The following STX8 variants were observed in gnomAD, a reference collection of about 807,000 sequenced individuals.
STX8 encodes the protein syntaxin-8.
A neutral mutation model predicts 37.5 loss-of-function variants in STX8; 23 were observed. That is an observed-to-expected ratio of 0.61 (90% confidence interval 0.44 to 0.87). STX8 has a LOEUF of 0.87. Ranked by LOEUF, STX8 falls within the 40% of genes least tolerant of loss-of-function variation. The probability of loss-of-function intolerance (pLI) is 0.00; values close to 1 mark genes in which losing one functional copy is unlikely to be tolerated. For synonymous variants in STX8, 115 were observed against 99.1 expected (o/e 1.16, Z -0.95); for missense variants, 313 against 284.7 (o/e 1.10, Z -0.71).
At chr17:9,417,218 C>T (rs1913233184) in intron 6 of STX8, among the ~76,000 whole-genome samples, 1 of 152,184 alleles carries the variant, frequency 6.6e-6, no homozygotes, top group Non-Finnish European at 1.5e-5. Context: ...TGCAATAACG[C>T]TGTCTCAGTG....
chr17:9,525,324 C>T (rs1389207631), intron 4 of STX8, among the ~76,000 whole-genome samples: 6 of 151,784 alleles, frequency 4.0e-5, no homozygotes, highest in Non-Finnish European at 2.9e-5. Flanking sequence ...CCCCACTGCC[C>T]ACATTGATTT....
chr17:9,495,630 A>G (rs1904363245), intron 5 of STX8, among the ~76,000 whole-genome samples: 1 of 152,264 alleles, frequency 6.6e-6, no homozygotes, highest in Non-Finnish European at 1.5e-5. Flanking sequence ...CATGAGAAAG[A>G]GAACTAAAAG....
chr17:9,546,374 C>G (rs1173960863), intron 3 of STX8, among the ~76,000 whole-genome samples: 1 of 132,494 alleles, frequency 7.5e-6, no homozygotes, highest in Non-Finnish European at 1.6e-5. Context: ...CACAACAATT[C>G]ATAAGTGATG....
At chr17:9,303,646 G>C (rs1005663000) in intron 7 of STX8, among the ~76,000 whole-genome samples, 1 of 152,062 alleles carries the variant, frequency 6.6e-6, no homozygotes, top group Non-Finnish European at 1.5e-5. Flanking sequence ...TAAATTACTA[G>C]GGCTTAAAAT....
chr17:9,505,494 G>T (rs1377257549), intron 4 of STX8, among the ~76,000 whole-genome samples: 4 of 152,140 alleles, frequency 2.6e-5, no homozygotes, highest in Admixed American at 1.3e-4. Flanking sequence ...AAAACAGAAG[G>T]CCGAACAGCG....
chr17:9,498,784 G>A (rs550307743), intron 5 of STX8, among the ~76,000 whole-genome samples: 19 of 152,296 alleles, frequency 1.2e-4, no homozygotes, highest in African/African-American at 4.3e-4. Context: ...AGCTGATGAA[G>A]AAACCCCATC....
chr17:9,481,150 T>C (rs1293742022), intron 6 of STX8, among the ~76,000 whole-genome samples: 3 of 152,162 alleles, frequency 2.0e-5, no homozygotes, highest in African/African-American at 7.2e-5. Context: ...CCCAAAGTGC[T>C]GGGATTATAG....
chr17:9,344,467 G>C (rs372368704), intron 7 of STX8, among the ~76,000 whole-genome samples: 1 of 151,948 alleles, frequency 6.6e-6, no homozygotes, highest in Non-Finnish European at 1.5e-5. Flanking sequence ...CGCCATGTTG[G>C]TCAGGCTGGT....
chr17:9,448,085 G>A (rs1233996533), intron 6 of STX8, among the ~76,000 whole-genome samples: 5 of 149,604 alleles, frequency 3.3e-5, no homozygotes, highest in African/African-American at 4.9e-5. Context: ...TGAGACAGGA[G>A]AACTGTTTGA....
chr17:9,475,938 C>T (rs1483883147), intron 6 of STX8, among the ~76,000 whole-genome samples: 3 of 152,150 alleles, frequency 2.0e-5, no homozygotes, highest in Non-Finnish European at 2.9e-5. Context: ...CCCAGCACTT[C>T]GGGAGGTCAA....
chr17:9,286,749 G>A (rs978326834), intron 7 of STX8, among the ~76,000 whole-genome samples: 9 of 151,898 alleles, frequency 5.9e-5, no homozygotes, highest in Non-Finnish European at 1.3e-4. Flanking sequence ...GGTGTGTGGT[G>A]TGTATTCCTG....
chr17:9,493,325 CT>C (rs1319717231), intron 5 of STX8, among the ~76,000 whole-genome samples: 2 of 152,118 alleles, frequency 1.3e-5, no homozygotes, highest in Non-Finnish European at 2.9e-5. Context: ...TGCTTGAATA[CT>C]TTTTCCTTTG....
chr17:9,505,109 A>G lies in STX8; in HGVS notation c.377T>C (p.Phe126Ser), dbSNP rs140244104. ...AKRGAPNPWLFEEPEETRGLG... is the reference protein window; with the variant it reads ...AKRGAPNPWLSEEPEETRGLG... Reference sequence around the variant, plus strand: ...GCCTCTGGTCTCCTCTGGCTCCTCAAAGAGCCAAGGGTTGGGTGCTCCTCG... The same window carrying G: ...GCCTCTGGTCTCCTCTGGCTCCTCAGAGAGCCAAGGGTTGGGTGCTCCTCG... Residue 126 changes from phenylalanine to serine, a missense_variant, in exon 5 of 8, where the codon TTT (phenylalanine) becomes TCT (serine). Phe to Ser is a radical substitution (Grantham distance 155). Coordinates refer to ENST00000306357, the MANE Select transcript of STX8 (RefSeq NM_004853.3). The G allele has an allele frequency of 6.2e-7, 1 of 1,613,916 alleles. No individual in the cohort carries two copies. Among genetic ancestry groups the G allele is most frequent in the African/African-American group, 1.3e-5 (1 of 74,894 alleles).
chr17:9,298,547 C>G (rs1253794548), intron 7 of STX8, among the ~76,000 whole-genome samples: 1 of 152,190 alleles, frequency 6.6e-6, no homozygotes, highest in Non-Finnish European at 1.5e-5. Flanking sequence ...CATGGTGGCT[C>G]ACGCCTGTAA....
chr17:9,280,977 A>G (rs746628693), intron 7 of STX8, among the ~76,000 whole-genome samples: 1 of 152,224 alleles, frequency 6.6e-6, no homozygotes, highest in Non-Finnish European at 1.5e-5. Flanking sequence ...TGGGCCACAG[A>G]TAAGCAGGAG....
At chr17:9,428,676 T>A (rs1425130992) in intron 6 of STX8, among the ~76,000 whole-genome samples, 1 of 152,230 alleles carries the variant, frequency 6.6e-6, no homozygotes, top group African/African-American at 2.4e-5. Flanking sequence ...AACAATGGCA[T>A]ATTTTATTTA....
intron 5 of STX8, among the ~76,000 whole-genome samples, chr17:9,496,524 G>A (rs1244112492): frequency 6.6e-6 from 1 of 152,206 alleles, no homozygotes; most frequent in African/African-American, 2.4e-5. Flanking sequence ...ATTTTACAAT[G>A]ATTTGAATTT....
At chr17:9,451,211 A>T (rs1297412215) in intron 6 of STX8, among the ~76,000 whole-genome samples, 2 of 152,134 alleles carry the variant, frequency 1.3e-5, no homozygotes, top group African/African-American at 4.8e-5. Context: ...AACTTCTTCA[A>T]GCTAGACTTG....
intron 6 of STX8, among the ~76,000 whole-genome samples, chr17:9,444,024 C>A (rs1180009949): frequency 6.6e-6 from 1 of 152,192 alleles, no homozygotes; most frequent in Non-Finnish European, 1.5e-5. Flanking sequence ...TCATACCTAT[C>A]CAGAACATAC....
Sources: gnomAD v4.1 joint callset for allele counts (sites outside exome capture counted in the v4.1 genomes callset) on GRCh38, gnomAD v4.1.1 for gene constraint, MANE v1.5 for transcripts, NCBI Gene and HGNC (gene_info 2026-07-23, HGNC 2026-07-21) for gene names.